COG5: variants seen among roughly 807,000 people sequenced by gnomAD.
COG5 encodes the protein conserved oligomeric Golgi complex subunit 5.
In COG5, 86 loss-of-function variants were observed where a neutral mutation model predicts 110.4. The observed-to-expected ratio is 0.78, with a 90% CI of 0.65 to 0.93. The LOEUF is 0.93. Among genes scored for constraint, COG5 ranks in the 40% least tolerant of loss-of-function variants. The pLI, the probability that COG5 is intolerant of heterozygous loss-of-function variation, is 0.00. For synonymous variants in COG5, 360 were observed against 334.6 expected (o/e 1.08, Z -0.83); for missense variants, 1,077 against 987.0 (o/e 1.09, Z -1.22).
intron 21 of COG5, chr7:107,207,972 G>A (rs1008938020): frequency 1.0e-6 from 1 of 985,286 alleles, no homozygotes; most frequent in Non-Finnish European, 1.2e-6. Flanking sequence ...GTTTGCCCCA[G>A]AAGCTAAAAC....
At position 107,546,435 on chromosome 7, in the gene COG5, G is replaced by GTTTTTTTTTT. The variant is rs754919944; in HGVS notation, c.417+1666_417+1675dup. 2.7e-3 allele frequency among the ~76,000 whole-genome samples: 317 copies of GTTTTTTTTTT among 119,480 alleles called. 2 individuals carry two copies. Among genetic ancestry groups the GTTTTTTTTTT allele is most frequent in the Non-Finnish European group, 3.8e-3 (224 of 58,236 alleles). 78.4% of individuals were successfully genotyped at this position (119,480 alleles called of 152,430 possible). A position where few individuals can be genotyped will look rare whatever the true frequency, so the allele number is the denominator to read the frequency against. On this transcript the variant is annotated intron_variant, in intron 5 of 21. Transcript: ENST00000297135. ...ACCAAGAGTTGTGTTTTGGTTTTTT[G>GTTTTTTTTTT]TTTTTTTTTTTTTTTTTTGAGACAA... is the stretch of plus-strand genomic sequence containing the variant.
chr7:107,245,584 A>G (rs540243615), intron 17 of COG5, among the ~76,000 whole-genome samples: 1 of 152,314 alleles, frequency 6.6e-6, no homozygotes, highest in African/African-American at 2.4e-5. Context: ...CCAAACTGAA[A>G]GCTAAATCAG....
intron 17 of COG5, among the ~76,000 whole-genome samples, chr7:107,244,050 C>A (rs933727853): frequency 6.6e-6 from 1 of 151,838 alleles, no homozygotes; most frequent in African/African-American, 2.4e-5. Flanking sequence ...AGTTGGAGAC[C>A]AGCCTGGCCA....
At chr7:107,228,827 C>T (rs989172849) in intron 19 of COG5, among the ~76,000 whole-genome samples, 5 of 149,070 alleles carry the variant, frequency 3.4e-5, no homozygotes, top group South Asian at 2.1e-4. Context: ...GTAAAATATA[C>T]GGATTCCCTC....
intron 10 of COG5, among the ~76,000 whole-genome samples, chr7:107,352,447 C>T (rs888938319): frequency 2.1e-5 from 3 of 142,606 alleles, no homozygotes; most frequent in Non-Finnish European, 3.0e-5. Flanking sequence ...TACCCTAAAA[C>T]TTAAAGTATA....
At chr7:107,506,587 C>G (rs1368719952) in intron 6 of COG5, among the ~76,000 whole-genome samples, 2 of 152,114 alleles carry the variant, frequency 1.3e-5, no homozygotes, top group East Asian at 3.9e-4. Context: ...GATAGTAAAC[C>G]CCACCCAGCT....
intron 6 of COG5, among the ~76,000 whole-genome samples, chr7:107,447,544 A>G (rs1795080025): frequency 6.6e-6 from 1 of 152,246 alleles, no homozygotes; most frequent in Admixed American, 6.5e-5. Flanking sequence ...AGTTATATAT[A>G]AGGTGTTCAG....
chr7:107,497,827 T>G (rs1424597681), intron 6 of COG5, among the ~76,000 whole-genome samples: 1 of 152,106 alleles, frequency 6.6e-6, no homozygotes, highest in Non-Finnish European at 1.5e-5. Context: ...AGACCCTGAA[T>G]AGTCAAAAGA....
chr7:107,232,027 G>A (rs1800811781), intron 18 of COG5, among the ~76,000 whole-genome samples: 1 of 152,174 alleles, frequency 6.6e-6, no homozygotes, highest in African/African-American at 2.4e-5. Flanking sequence ...GCTTCCTTGG[G>A]ATGGTCTTGA....
chr7:107,501,504 A>T (rs1164491599), intron 6 of COG5, among the ~76,000 whole-genome samples: 2 of 152,106 alleles, frequency 1.3e-5, no homozygotes, highest in African/African-American at 4.8e-5. Flanking sequence ...AATGTACGAA[A>T]AACAACATAC....
chr7:107,309,213 TATC>T (rs1027619428), intron 11 of COG5, among the ~76,000 whole-genome samples: 4 of 152,166 alleles, frequency 2.6e-5, no homozygotes, highest in African/African-American at 9.6e-5. Context: ...CTGAAAATGC[TATC>T]ATATCAATAT....
At chr7:107,373,628 A>G (rs1280145419) in intron 7 of COG5, among the ~76,000 whole-genome samples, 1 of 152,174 alleles carries the variant, frequency 6.6e-6, no homozygotes, top group African/African-American at 2.4e-5. Flanking sequence ...GAGAGGCAGA[A>G]GATGAGGGAG....
At chr7:107,410,744 C>T (rs1250905131) in intron 7 of COG5, among the ~76,000 whole-genome samples, 1 of 151,862 alleles carries the variant, frequency 6.6e-6, no homozygotes, top group Non-Finnish European at 1.5e-5. Flanking sequence ...GCCCGGCCAA[C>T]AGATTGATGT....
At chr7:107,342,443 T>C (rs1463123654) in intron 10 of COG5, among the ~76,000 whole-genome samples, 1 of 150,802 alleles carries the variant, frequency 6.6e-6, no homozygotes, top group Non-Finnish European at 1.5e-5. Flanking sequence ...TTTGGGAGGC[T>C]GAGGCAGGCG....
intron 11 of COG5, among the ~76,000 whole-genome samples, chr7:107,307,090 C>A (rs1430472846): frequency 6.6e-6 from 1 of 152,200 alleles, no homozygotes; most frequent in Non-Finnish European, 1.5e-5. Flanking sequence ...CATTTGCAGC[C>A]ACTGTCCTGT....
At chr7:107,271,614 GTAGA>G (rs911330291) in intron 14 of COG5, among the ~76,000 whole-genome samples, 1 of 151,964 alleles carries the variant, frequency 6.6e-6, no homozygotes, top group African/African-American at 2.4e-5. Flanking sequence ...TTTGTAGCTG[GTAGA>G]TAGAAATAGT....
intron 16 of COG5, among the ~76,000 whole-genome samples, chr7:107,251,242 C>T (rs1388201213): frequency 1.3e-5 from 2 of 151,494 alleles, no homozygotes; most frequent in Non-Finnish European, 2.9e-5. Flanking sequence ...ATTTTAAGTG[C>T]TAAGAGAAAA....
chr7:107,323,272 T>TA (rs1451787727), intron 11 of COG5, among the ~76,000 whole-genome samples: 1 of 152,204 alleles, frequency 6.6e-6, no homozygotes. Flanking sequence ...CTCATGCCTG[T>TA]AATCCCAGCA....
At chr7:107,209,181 C>T in intron 21 of COG5, 1 of 985,414 alleles carries the variant, frequency 1.0e-6, no homozygotes, top group Non-Finnish European at 1.2e-6. Flanking sequence ...GGGCCCAGAC[C>T]AACAGAATTG....
Sources: gnomAD v4.1 joint callset for allele counts (sites outside exome capture counted in the v4.1 genomes callset) on GRCh38, gnomAD v4.1.1 for gene constraint, MANE v1.5 for transcripts, NCBI Gene and HGNC (gene_info 2026-07-23, HGNC 2026-07-21) for gene names.